Variants in CCDC93 observed in about 807,000 individuals in gnomAD.
CCDC93 encodes coiled-coil domain-containing protein 93.
Under a neutral mutation model 108.2 loss-of-function variants are expected in CCDC93, and 61 were observed. The observed-to-expected ratio is 0.56, with a 90% CI of 0.46 to 0.70. The LOEUF (loss-of-function observed/expected upper bound fraction) is 0.70. Ranked by LOEUF, CCDC93 falls within the 30% of genes least tolerant of loss-of-function variation. CCDC93 has a pLI of 0.00. For missense variants in CCDC93, 685 were observed against 764.2 expected, an observed-to-expected ratio of 0.90 and a Z score of 1.22; for synonymous variants, 276 against 260.4, an observed-to-expected ratio of 1.06 and a Z score of -0.58.
At chr2:117,935,268 G>C (rs1678485023) in intron 22 of CCDC93, among the ~76,000 whole-genome samples, 1 of 152,150 alleles carries the variant, frequency 6.6e-6, no homozygotes, top group African/African-American at 2.4e-5. Context: ...TCAATACCTG[G>C]GAGCTACTGC....
At chr2:117,926,601 A>C (rs1452200711) in intron 23 of CCDC93, among the ~76,000 whole-genome samples, 2 of 152,234 alleles carry the variant, frequency 1.3e-5, no homozygotes, top group African/African-American at 4.8e-5. Context: ...TACCAATAAC[A>C]GGCTCTGAAA....
chr2:117,921,156 G>A (rs1209507365), intron 23 of CCDC93, among the ~76,000 whole-genome samples: 9 of 140,774 alleles, frequency 6.4e-5, no homozygotes, highest in Non-Finnish European at 3.0e-5. Flanking sequence ...CAGCCTGGGT[G>A]ACAGAGCAAG....
At position 118,000,860 on chromosome 2, in the gene CCDC93, G is replaced by A. The variant is rs758975701; in HGVS notation, c.324C>T (p.Ile108=). ...KCPHQLEPHQ[I]QGMDFIHIFP... is the part of the protein sequence containing the mutation. ...ATATGTGAATAAAATCCATCCCCTG[G>A]ATCTGGTGGGGCTCCAGCTGGTGTG... is the stretch of plus-strand genomic sequence containing the variant. Residue 108 remains isoleucine, a synonymous_variant, in exon 4 of 24, where the codon ATC becomes ATT. Transcript: ENST00000376300. The A allele has an allele frequency of 2.1e-5, 34 of 1,613,544 alleles. No homozygotes were observed. The highest frequency in any genetic ancestry group is 2.9e-5 in the Non-Finnish European group (34 of 1,179,688).
At chr2:117,970,543 T>C (rs1291703915) in intron 11 of CCDC93, among the ~76,000 whole-genome samples, 1 of 152,198 alleles carries the variant, frequency 6.6e-6, no homozygotes, top group Non-Finnish European at 1.5e-5. Context: ...GCCTGAGAAA[T>C]ACTTGCATCA....
intron 11 of CCDC93, among the ~76,000 whole-genome samples, chr2:117,959,144 G>C (rs1229188183): frequency 1.3e-5 from 2 of 152,158 alleles, no homozygotes. Flanking sequence ...ATGATGAGGT[G>C]AATGTGATAA....
intron 3 of CCDC93, among the ~76,000 whole-genome samples, chr2:118,005,436 G>A (rs148489637): frequency 5.9e-5 from 9 of 152,246 alleles, no homozygotes; most frequent in African/African-American, 1.9e-4. Context: ...GCATCCTCAA[G>A]AAGACAAAGA....
rs1169306266 is a variant in CCDC93, at chr2:117,916,088, G to A, written c.*4255C>T. ...AGCATTGCTAGTTCAAAGAGCTTATGCATTTGCACTTTTGATAGACACCGT... is the reference window on the plus strand; with the variant it reads ...AGCATTGCTAGTTCAAAGAGCTTATACATTTGCACTTTTGATAGACACCGT... On this transcript the variant is annotated 3_prime_UTR_variant, in exon 24 of 24. Transcript: ENST00000376300. 2 of 152,136 alleles carry A rather than the reference G, an allele frequency of 1.3e-5. No individual in the cohort carries two copies. The highest frequency in any genetic ancestry group is 2.4e-5 in the African/African-American group (1 of 41,430). 9.4% of individuals were successfully genotyped at this position (152,136 alleles called of 1,614,324 possible).
chr2:117,954,813 G>T (rs1419976215), intron 12 of CCDC93, among the ~76,000 whole-genome samples: 5 of 152,184 alleles, frequency 3.3e-5, no homozygotes, highest in Non-Finnish European at 5.9e-5. Context: ...GATGATGGGG[G>T]TGGTTTACCC....
chr2:117,963,369 C>T (rs1303850301), intron 11 of CCDC93, among the ~76,000 whole-genome samples: 1 of 152,182 alleles, frequency 6.6e-6, no homozygotes, highest in African/African-American at 2.4e-5. Flanking sequence ...TTCCACCTGT[C>T]CTTTCTATAA....
intron 6 of CCDC93, among the ~76,000 whole-genome samples, chr2:117,993,408 A>G (rs965268789): frequency 6.6e-6 from 1 of 150,650 alleles, no homozygotes; most frequent in Non-Finnish European, 1.5e-5. Context: ...AAAAAAAAAA[A>G]AATTAATGTT....
At chr2:117,957,384 C>A (rs1558782201) in intron 12 of CCDC93, among the ~76,000 whole-genome samples, 1 of 152,164 alleles carries the variant, frequency 6.6e-6, no homozygotes, top group African/African-American at 2.4e-5. Flanking sequence ...CCAGGTATTA[C>A]AGAACACCAT....
At position 117,943,968 on chromosome 2, in the gene CCDC93, G is replaced by C. The variant is rs376725517; in HGVS notation, c.1413+56C>G. Reference sequence around the variant, plus strand: ...TTGAGACTTTCTAGTTATGTCATAGGACATTTATACCTAGTTAGAAGCATT... The same window carrying C: ...TTGAGACTTTCTAGTTATGTCATAGCACATTTATACCTAGTTAGAAGCATT... On this transcript the variant is annotated intron_variant, in intron 18 of 23. Transcript: ENST00000376300. 3.4e-6 allele frequency: 4 copies of C among 1,193,760 alleles called. No individual in the cohort carries two copies. The African/African-American group carries it at 6.2e-5, about 18-fold the overall frequency. 73.9% of individuals were successfully genotyped at this position (1,193,760 alleles called of 1,614,324 possible).
At chr2:117,950,756 G>A in intron 13 of CCDC93, 1 of 985,378 alleles carries the variant, frequency 1.0e-6, no homozygotes, top group South Asian at 4.7e-5. Context: ...TCAGTACTAG[G>A]TTTTATACAG....
chr2:118,013,936 A>G lies in CCDC93; in HGVS notation c.42+18T>C. The G allele has an allele frequency of 6.4e-7, 1 of 1,569,056 alleles. No individual in the cohort carries two copies. Among genetic ancestry groups the G allele is most frequent in the African/African-American group, 1.4e-5 (1 of 73,002 alleles). ...TTCAGGAACCCCGACGTGTCAGGGA[A>G]GGAGGAGGCGTTCTTACCTCCGGGA... On this transcript the variant is annotated intron_variant, in intron 1 of 23. Transcript: ENST00000376300.
chr2:117,974,617 A>T (rs1188791289), intron 10 of CCDC93, among the ~76,000 whole-genome samples: 2 of 152,196 alleles, frequency 1.3e-5, no homozygotes, highest in Non-Finnish European at 2.9e-5. Context: ...TGAACCTCCC[A>T]GCAGGAATAT....
intron 2 of CCDC93, among the ~76,000 whole-genome samples, chr2:118,007,152 G>C (rs577174066): frequency 1.3e-5 from 2 of 152,334 alleles, no homozygotes; most frequent in East Asian, 3.9e-4. Context: ...ACTGTACATA[G>C]ATCCTCTTTA....
chr2:118,013,424 G>A (rs1268828348), intron 1 of CCDC93, among the ~76,000 whole-genome samples: 1 of 150,640 alleles, frequency 6.6e-6, no homozygotes, highest in Non-Finnish European at 1.5e-5. Flanking sequence ...CCGCCGCCCC[G>A]GCCCGGGTCC....
intron 16 of CCDC93, among the ~76,000 whole-genome samples, chr2:117,946,023 A>G (rs1283225250): frequency 6.6e-6 from 1 of 152,174 alleles, no homozygotes; most frequent in African/African-American, 2.4e-5. Context: ...CTATTCACCC[A>G]TGCCAGTCCC....
chr2:118,004,458 A>G (rs1203020681), intron 3 of CCDC93, among the ~76,000 whole-genome samples: 1 of 152,220 alleles, frequency 6.6e-6, no homozygotes, highest in Non-Finnish European at 1.5e-5. Flanking sequence ...AGAGACAACC[A>G]TGCCGTCAAT....
Sources: allele counts gnomAD v4.1 joint callset (sites outside exome capture counted in the v4.1 genomes callset), GRCh38; gene constraint gnomAD v4.1.1; transcripts MANE v1.5; gene names NCBI Gene and HGNC (gene_info 2026-07-23, HGNC 2026-07-21).